Variants in PCDH15 observed in about 807,000 individuals in gnomAD.
PCDH15 encodes the protein protocadherin-15.
A neutral mutation model predicts 178.5 loss-of-function variants in PCDH15; 129 were observed. The ratio of observed to expected loss-of-function variants is 0.72; its 90% CI spans 0.63 to 0.84. The LOEUF (loss-of-function observed/expected upper bound fraction) is 0.84. Among genes scored for constraint, PCDH15 ranks in the 40% least tolerant of loss-of-function variants. PCDH15 has a pLI of 0.00. For missense variants in PCDH15, 2,230 were observed against 2,099.9 expected (o/e 1.06, Z -1.21); for synonymous variants, 800 against 732.0 (o/e 1.09, Z -1.50).
chr10:54,062,264 T>TAAAAA (rs1590190592), intron 18 of PCDH15, among the ~76,000 whole-genome samples: 33 of 77,806 alleles, frequency 4.2e-4, no homozygotes, highest in African/African-American at 1.3e-3. Context: ...AAAAAACAAC[T>TAAAAA]AAATGAAAAC....
At chr10:54,336,418 CG>C (rs1467300248) in intron 6 of PCDH15, among the ~76,000 whole-genome samples, 3 of 152,098 alleles carry the variant, frequency 2.0e-5, no homozygotes, top group Non-Finnish European at 4.4e-5. Flanking sequence ...GAGAAAAAAG[CG>C]GTTTCATGGG....
At chr10:55,265,079 A>G (rs1157649201) in intron 1 of PCDH15, among the ~76,000 whole-genome samples, 1 of 151,950 alleles carries the variant, frequency 6.6e-6, no homozygotes, top group Non-Finnish European at 1.5e-5. Flanking sequence ...TGACTTCCCT[A>G]TCCACTTTCA....
At chr10:55,013,888 A>G (rs543740857) in intron 2 of PCDH15, among the ~76,000 whole-genome samples, 4 of 152,270 alleles carry the variant, frequency 2.6e-5, no homozygotes, top group African/African-American at 9.6e-5. Flanking sequence ...CTAGAACAGT[A>G]TTCAAACTAT....
chr10:53,970,752 C>A (rs1379881471), intron 21 of PCDH15, among the ~76,000 whole-genome samples: 2 of 151,980 alleles, frequency 1.3e-5, no homozygotes, highest in Non-Finnish European at 2.9e-5. Context: ...GAAGTTGAAT[C>A]CCTGAATAGA....
intron 1 of PCDH15, among the ~76,000 whole-genome samples, chr10:54,671,895 C>A (rs190581738): frequency 3.0e-4 from 45 of 152,178 alleles, no homozygotes; most frequent in African/African-American, 9.2e-4. Flanking sequence ...AACCAGGCCA[C>A]AGAGCAGGAG....
chr10:55,420,240 G>A (rs1202862320), intron 2 of PCDH15, among the ~76,000 whole-genome samples: 1 of 151,620 alleles, frequency 6.6e-6, no homozygotes, highest in Non-Finnish European at 1.5e-5. Context: ...ATTTCCATTT[G>A]TTACATATTA....
At chr10:55,408,601 C>T (rs549146018) in intron 2 of PCDH15, among the ~76,000 whole-genome samples, 2 of 152,072 alleles carry the variant, frequency 1.3e-5, no homozygotes, top group African/African-American at 4.8e-5. Flanking sequence ...TATTCAAAAT[C>T]ACATTAAAAT....
intron 2 of PCDH15, among the ~76,000 whole-genome samples, chr10:55,040,029 A>G (rs1840826588): frequency 1.3e-5 from 2 of 152,054 alleles, no homozygotes; most frequent in South Asian, 4.1e-4. Flanking sequence ...AAACAGAATT[A>G]CCCAAATTTA....
chr10:54,146,482 G>A (rs548266332), intron 14 of PCDH15, among the ~76,000 whole-genome samples: 2 of 151,648 alleles, frequency 1.3e-5, no homozygotes, highest in African/African-American at 4.8e-5. Context: ...ATTGGATAAC[G>A]TAAGTATAAG....
chr10:54,392,833 A>T (rs1950722410), intron 3 of PCDH15, among the ~76,000 whole-genome samples: 3 of 145,140 alleles, frequency 2.1e-5, no homozygotes, highest in Non-Finnish European at 4.5e-5. Flanking sequence ...CTGGAAGTGG[A>T]GGTTGTAGTG....
chr10:55,616,357 T>C (rs1024734976), intron 2 of PCDH15, among the ~76,000 whole-genome samples: 1 of 152,180 alleles, frequency 6.6e-6, no homozygotes, highest in Non-Finnish European at 1.5e-5. Context: ...AAAATGTTCA[T>C]AGCAAATTCA....
At chr10:54,319,084 G>C (rs1314179141) in intron 7 of PCDH15, among the ~76,000 whole-genome samples, 10 of 152,160 alleles carry the variant, frequency 6.6e-5, no homozygotes, top group Admixed American at 6.5e-4. Flanking sequence ...CCATTGTCAA[G>C]GGTGGTGGTG....
chr10:55,468,029 C>T lies in PCDH15; in HGVS notation c.-156+159596G>A, dbSNP rs188563607. 3.0e-3 allele frequency among the ~76,000 whole-genome samples: 449 copies of T among 149,302 alleles called. 4 individuals are homozygous for T. Among genetic ancestry groups the T allele is most frequent in the African/African-American group, 0.011 (426 of 40,192 alleles). The stretch of plus-strand genomic sequence containing the variant: ...GTCTGCCAGGACTTCCTTCCATCCA[C>T]CCGATGGTCGTTTCTTAACTGAGAG... On this transcript the variant is annotated intron_variant, in intron 2 of 5. Transcript: ENST00000613346.
chr10:54,470,609 C>T (rs371393259), intron 3 of PCDH15, among the ~76,000 whole-genome samples: 2 of 152,200 alleles, frequency 1.3e-5, no homozygotes, highest in Admixed American at 6.5e-5. Flanking sequence ...GTTTCAGTGC[C>T]CATATGGGTT....
At chr10:54,245,101 C>G (rs1422600107) in intron 8 of PCDH15, among the ~76,000 whole-genome samples, 1 of 152,060 alleles carries the variant, frequency 6.6e-6, no homozygotes, top group Non-Finnish European at 1.5e-5. Flanking sequence ...CACCCTCAAT[C>G]TCTCCATATA....
At chr10:54,430,002 A>G (rs1234792841) in intron 3 of PCDH15, among the ~76,000 whole-genome samples, 1 of 151,936 alleles carries the variant, frequency 6.6e-6, no homozygotes, top group Non-Finnish European at 1.5e-5. Context: ...AGATATTTAC[A>G]GAACATTTCA....
intron 1 of PCDH15, among the ~76,000 whole-genome samples, chr10:55,233,357 C>T (rs1289070231): frequency 1.3e-5 from 2 of 152,070 alleles, no homozygotes; most frequent in African/African-American, 2.4e-5. Context: ...GTTATTTCTA[C>T]CTCACAATAA....
intron 2 of PCDH15, among the ~76,000 whole-genome samples, chr10:55,341,823 T>A (rs1407957365): frequency 1.9e-5 from 2 of 103,304 alleles, no homozygotes; most frequent in African/African-American, 7.5e-5. Flanking sequence ...TTTTTTTTTT[T>A]TTTTTTTTAG....
intron 1 of PCDH15, among the ~76,000 whole-genome samples, chr10:55,208,861 T>C (rs1840480910): frequency 1.3e-5 from 2 of 152,106 alleles, no homozygotes; most frequent in South Asian, 2.1e-4. Flanking sequence ...TTTTAGGTAC[T>C]ATGAAGGAAA....
Sources: allele counts gnomAD v4.1 joint callset (sites outside exome capture counted in the v4.1 genomes callset), GRCh38; gene constraint gnomAD v4.1.1; transcripts MANE v1.5; gene names NCBI Gene and HGNC (gene_info 2026-07-23, HGNC 2026-07-21).